Variants in CREM observed in about 807,000 individuals in gnomAD.
CREM encodes the protein cAMP responsive element modulator.
Under a neutral mutation model 37.3 loss-of-function variants are expected in CREM, and 13 were observed. That is an observed-to-expected ratio of 0.35 (90% CI 0.23 to 0.55). CREM has a LOEUF of 0.55. CREM is among the 20% of genes least tolerant of loss of function. The probability of loss-of-function intolerance (pLI) is 0.88; values close to 1 mark genes in which losing one functional copy is unlikely to be tolerated. For synonymous variants in CREM, 124 were observed against 120.2 expected (o/e 1.03, Z -0.21); for missense variants, 296 against 362.3 (o/e 0.82, Z 1.49).
chr10:35,206,673 T>C (rs2095532123), intron 6 of CREM, among the ~76,000 whole-genome samples: 1 of 152,222 alleles, frequency 6.6e-6, no homozygotes, highest in Non-Finnish European at 1.5e-5. Context: ...TTAGGATGCT[T>C]TTCTACCTTA....
rs568062725 is a variant in CREM at position 35,195,233 on chromosome 10, G to A, written c.598+6845G>A. The A allele has an allele frequency of 1.6e-5, 26 of 1,613,592 alleles. No individual in the cohort carries two copies. In the African/African-American group the frequency reaches 2.5e-4, roughly 16 times the overall value. ...GACACAGGTAAGAATGTTAAAGAGGGGTTTTCAGTTAATTGTGCAGATTGT... is the reference window on the plus strand; with the variant it reads ...GACACAGGTAAGAATGTTAAAGAGGAGTTTTCAGTTAATTGTGCAGATTGT... On this transcript the variant is annotated intron_variant, in intron 6 of 7. Coordinates refer to ENST00000685392, the MANE Select transcript of CREM (RefSeq NM_183011.2).
chr10:35,195,205 G>A (rs747149214), intron 6 of CREM: 1 of 1,614,024 alleles, frequency 6.2e-7, no homozygotes, highest in Non-Finnish European at 8.5e-7. Context: ...TGTAACTGGA[G>A]ATGACACAGG....
chr10:35,161,977 T>C (rs1281107288), intron 3 of CREM, among the ~76,000 whole-genome samples: 2 of 152,190 alleles, frequency 1.3e-5, no homozygotes, highest in African/African-American at 4.8e-5. Flanking sequence ...TGCACTTCCA[T>C]ATTTATTGCA....
intron 3 of CREM, among the ~76,000 whole-genome samples, chr10:35,165,630 G>T (rs565892542): frequency 1.3e-5 from 2 of 152,026 alleles, no homozygotes; most frequent in South Asian, 4.1e-4. Context: ...CCAAATACGA[G>T]ATTGGCTTTC....
chr10:35,190,735 C>T (rs1590251938), intron 6 of CREM, among the ~76,000 whole-genome samples: 1 of 151,992 alleles, frequency 6.6e-6, no homozygotes, highest in Non-Finnish European at 1.5e-5. Flanking sequence ...CACGATGGCT[C>T]ACTGCAAGCT....
intron 3 of CREM, among the ~76,000 whole-genome samples, chr10:35,159,443 A>G (rs2093152746): frequency 6.6e-6 from 1 of 152,234 alleles, no homozygotes; most frequent in East Asian, 1.9e-4. Context: ...ACACCAACTT[A>G]TATTCAACAA....
intron 3 of CREM, among the ~76,000 whole-genome samples, chr10:35,162,242 A>G (rs1202508904): frequency 2.0e-5 from 3 of 152,190 alleles, no homozygotes. Flanking sequence ...AGAGGGAAGA[A>G]TGGTGGTTAC....
chr10:35,205,388 C>T (rs2095495906), intron 6 of CREM, among the ~76,000 whole-genome samples: 1 of 152,198 alleles, frequency 6.6e-6, no homozygotes, highest in South Asian at 2.1e-4. Flanking sequence ...TATCTTTCCC[C>T]AGAGAAACTA....
At chr10:35,170,957 C>T (rs1022102775) in intron 3 of CREM, among the ~76,000 whole-genome samples, 3 of 152,012 alleles carry the variant, frequency 2.0e-5, no homozygotes, top group Non-Finnish European at 4.4e-5. Context: ...CCTCCAGATG[C>T]GTCATTTATG....
At chr10:35,187,146 AATATATATAAT>A (rs1487642294) in intron 5 of CREM, among the ~76,000 whole-genome samples, 1 of 64,014 alleles carries the variant, frequency 1.6e-5, no homozygotes, top group African/African-American at 6.5e-5. Flanking sequence ...ATTAATATAT[AATATATATAAT>A]ATATATTATA....
chr10:35,159,030 T>A (rs1158853889), intron 3 of CREM, among the ~76,000 whole-genome samples: 1 of 152,142 alleles, frequency 6.6e-6, no homozygotes, highest in Non-Finnish European at 1.5e-5. Context: ...CCCTAATGCA[T>A]TCTTGAATTC....
intron 1 of CREM, among the ~76,000 whole-genome samples, chr10:35,128,321 A>T (rs762873801): frequency 2.4e-4 from 36 of 152,058 alleles, no homozygotes; most frequent in Non-Finnish European, 2.4e-4. Context: ...CTCCTTTAAC[A>T]CTGTGGCTTA....
intron 3 of CREM, among the ~76,000 whole-genome samples, chr10:35,173,389 A>G (rs1031820328): frequency 9.2e-5 from 14 of 152,216 alleles, no homozygotes; most frequent in Non-Finnish European, 1.6e-4. Context: ...ACATACTGCA[A>G]CAGATTCAGT....
chr10:35,151,632 C>T (rs1045280043), intron 3 of CREM, among the ~76,000 whole-genome samples: 7 of 152,226 alleles, frequency 4.6e-5, no homozygotes, highest in Non-Finnish European at 7.3e-5. Context: ...CTTTGATCTC[C>T]TGAAGTGCTG....
chr10:35,138,503 T>C (rs1382654362), intron 2 of CREM, among the ~76,000 whole-genome samples: 1 of 151,850 alleles, frequency 6.6e-6, no homozygotes, highest in African/African-American at 2.4e-5. Context: ...TCTTTGAAAA[T>C]TGGATACAAC....
At chr10:35,161,780 G>A (rs2093311426) in intron 3 of CREM, among the ~76,000 whole-genome samples, 1 of 152,152 alleles carries the variant, frequency 6.6e-6, no homozygotes, top group African/African-American at 2.4e-5. Flanking sequence ...GATAACAGAT[G>A]TTGGCAAGAA....
intron 6 of CREM, chr10:35,196,290 G>T: frequency 1.9e-6 from 1 of 537,156 alleles, no homozygotes; most frequent in Non-Finnish European, 3.3e-6. Context: ...CCCAGCCTCT[G>T]GTATTTAAAT....
intron 3 of CREM, among the ~76,000 whole-genome samples, chr10:35,173,572 A>T (rs1299862584): frequency 2.0e-5 from 3 of 152,232 alleles, no homozygotes; most frequent in African/African-American, 7.2e-5. Flanking sequence ...TACTATTTTT[A>T]AAATTTCTGT....
At chr10:35,188,175 A>G in intron 5 of CREM, 25 bp from the exon 6 acceptor site, 1 of 1,589,368 alleles carries the variant, frequency 6.3e-7, no homozygotes, top group East Asian at 2.3e-5. Flanking sequence ...AAATTCTCTA[A>G]TATTTCTTTT....
Sources: gnomAD v4.1 joint callset for allele counts (sites outside exome capture counted in the v4.1 genomes callset) on GRCh38, gnomAD v4.1.1 for gene constraint, MANE v1.5 for transcripts, NCBI Gene and HGNC (gene_info 2026-07-23, HGNC 2026-07-21) for gene names.